FOXP2: variants seen among roughly 807,000 people sequenced by gnomAD.
The protein encoded by FOXP2 is forkhead box protein P2.
FOXP2 carries 12 observed loss-of-function variants against 115.8 expected under a neutral mutation model. The observed-to-expected ratio is 0.10, with a 90% CI of 0.07 to 0.17. The LOEUF is 0.17. Ranked by LOEUF, FOXP2 falls within the 10% of genes least tolerant of loss-of-function variation. The pLI is 1.00. For missense variants in FOXP2, 629 were observed against 843.5 expected, an observed-to-expected ratio of 0.75 and a Z score of 3.15; for synonymous variants, 328 against 297.7, an observed-to-expected ratio of 1.10 and a Z score of -1.05.
intron 1 of FOXP2, among the ~76,000 whole-genome samples, chr7:114,242,720 C>A (rs1463479366): frequency 6.6e-6 from 1 of 152,120 alleles, no homozygotes; most frequent in Non-Finnish European, 1.5e-5. Context: ...AAAAGATATT[C>A]AGAGAGAAAC....
intron 3 of FOXP2, among the ~76,000 whole-genome samples, chr7:114,541,626 G>A (rs765337609): frequency 1.1e-4 from 16 of 151,948 alleles, no homozygotes; most frequent in Middle Eastern, 3.4e-3. Flanking sequence ...TAACATGGAT[G>A]ATAAATAGAA....
chr7:114,502,152 G>A (rs1797589972), intron 2 of FOXP2, among the ~76,000 whole-genome samples: 1 of 152,026 alleles, frequency 6.6e-6, no homozygotes, highest in African/African-American at 2.4e-5. Context: ...ACCTCTGCAT[G>A]TAAATATTGT....
chr7:114,425,962 T>C (rs2129204801), intron 1 of FOXP2, among the ~76,000 whole-genome samples: 1 of 151,824 alleles, frequency 6.6e-6, no homozygotes, highest in South Asian at 2.1e-4. Flanking sequence ...AGAAACCCAT[T>C]ATACTATTTA....
At chr7:114,171,450 G>A (rs900447358) in intron 1 of FOXP2, among the ~76,000 whole-genome samples, 8 of 152,152 alleles carry the variant, frequency 5.3e-5, no homozygotes, top group Non-Finnish European at 1.0e-4. Context: ...TCATGTGCCT[G>A]TAGTCCCAGC....
chr7:114,305,646 A>G (rs889614242), intron 2 of FOXP2, among the ~76,000 whole-genome samples: 2 of 152,182 alleles, frequency 1.3e-5, no homozygotes, highest in African/African-American at 4.8e-5. Flanking sequence ...GAAGTTTAGA[A>G]CTGGAAGAGG....
rs113091801 is a variant in FOXP2 at position 114,324,518 on chromosome 7, G to GT, written c.-11+36416dup. Among the ~76,000 whole-genome samples, 227 of 151,798 alleles carry GT rather than the reference G, an allele frequency of 1.5e-3. 2 individuals are homozygous for GT. The highest frequency in any genetic ancestry group is 5.1e-3 in the African/African-American group (212 of 41,484). ...TAGATTATTGCTTGCTGATATTGAG[G>GT]TTTTTTTCTCTTTAACCTCAGATAC... is the stretch of plus-strand genomic sequence containing the variant. On this transcript the variant is annotated intron_variant, in intron 2 of 17. Coordinates refer to the FOXP2 transcript ENST00000634411.
chr7:114,166,507 A>G (rs1428562394), intron 1 of FOXP2, among the ~76,000 whole-genome samples: 1 of 152,284 alleles, frequency 6.6e-6, no homozygotes, highest in African/African-American at 2.4e-5. Flanking sequence ...GATCAAGACC[A>G]TCCTGGCTAA....
rs1247982895 is a variant in FOXP2, at chr7:114,586,065, G to C, written c.259-42475G>C. 2.0e-5 allele frequency among the ~76,000 whole-genome samples: 3 copies of C among 151,972 alleles called. No individual in the cohort carries two copies. The East Asian group carries it at 5.8e-4, about 29-fold the overall frequency. ...TGTCTGCACAAACCAATTGTTTTGGGTAAATTCAGTTTAAAAGCAAAATAA... is the reference window on the plus strand; with the variant it reads ...TGTCTGCACAAACCAATTGTTTTGGCTAAATTCAGTTTAAAAGCAAAATAA... On this transcript the variant is annotated intron_variant, in intron 3 of 16. Coordinates refer to ENST00000350908, the MANE Select transcript of FOXP2 (RefSeq NM_014491.4).
chr7:114,281,170 C>G (rs1055173096), intron 1 of FOXP2, among the ~76,000 whole-genome samples: 1 of 122,600 alleles, frequency 8.2e-6, no homozygotes, highest in African/African-American at 3.1e-5. Flanking sequence ...GGCGTAATTT[C>G]GGCTCACTGC....
In FOXP2 at chr7:114,088,442, A is replaced by G. The variant is rs927738121; in HGVS notation, c.-247+604A>G. Among the ~76,000 whole-genome samples, 3 of 152,230 alleles carry G rather than the reference A, an allele frequency of 2.0e-5. No individual in the cohort carries two copies. In the East Asian group the frequency reaches 5.8e-4, roughly 29 times the overall value. ...AAGTAGTAGCAGGTAAGCCCAAGGG[A>G]GAAAGTGACGCCCTGTTGTCAAGCA... On this transcript the variant is annotated intron_variant, in intron 1 of 19. Transcript: ENST00000635638.
intron 1 of FOXP2, among the ~76,000 whole-genome samples, chr7:114,175,537 G>A (rs1793265926): frequency 6.6e-6 from 1 of 152,076 alleles, no homozygotes; most frequent in Non-Finnish European, 1.5e-5. Flanking sequence ...AATGTTTAGT[G>A]ATTTTATTAT....
intron 3 of FOXP2, among the ~76,000 whole-genome samples, chr7:114,545,742 A>G (rs935820872): frequency 4.6e-5 from 7 of 152,116 alleles, no homozygotes; most frequent in Non-Finnish European, 7.4e-5. Flanking sequence ...TCATGTCTCC[A>G]TGCAGCTGGC....
At chr7:114,549,195 ATCAT>A (rs1800081902) in intron 3 of FOXP2, among the ~76,000 whole-genome samples, 1 of 152,160 alleles carries the variant, frequency 6.6e-6, no homozygotes, top group Non-Finnish European at 1.5e-5. Context: ...TGCCCCAGTG[ATCAT>A]TCATTTTGTT....
chr7:114,351,667 A>C (rs538444643), intron 2 of FOXP2, among the ~76,000 whole-genome samples: 1 of 152,236 alleles, frequency 6.6e-6, no homozygotes, highest in East Asian at 1.9e-4. Flanking sequence ...ATTAAAACAG[A>C]AATTATATTC....
chr7:114,339,004 T>C (rs1022085364), intron 2 of FOXP2, among the ~76,000 whole-genome samples: 1 of 151,088 alleles, frequency 6.6e-6, no homozygotes, highest in East Asian at 1.9e-4. Flanking sequence ...ATATTTCTTG[T>C]CCCATATTCC....
intron 1 of FOXP2, among the ~76,000 whole-genome samples, chr7:114,131,334 G>C (rs1223657946): frequency 6.6e-6 from 1 of 152,018 alleles, no homozygotes; most frequent in Non-Finnish European, 1.5e-5. Flanking sequence ...AGTAAAATTG[G>C]GGGGACCTTG....
intron 10 of FOXP2, 61 bp from the exon 11 acceptor site, chr7:114,658,005 C>CT (rs1287313578): frequency 8.2e-6 from 13 of 1,590,482 alleles, no homozygotes; most frequent in African/African-American, 1.3e-5. Context: ...TTTGTCAAAC[C>CT]TTTTTAAGTC....
At chr7:114,470,333 C>G (rs1287742564) in intron 2 of FOXP2, among the ~76,000 whole-genome samples, 3 of 152,086 alleles carry the variant, frequency 2.0e-5, no homozygotes, top group Non-Finnish European at 4.4e-5. Flanking sequence ...CATGCTAGTT[C>G]CTATCTATCT....
chr7:114,655,024 A>C (rs1239445282), intron 10 of FOXP2, among the ~76,000 whole-genome samples: 1 of 152,158 alleles, frequency 6.6e-6, no homozygotes, highest in Non-Finnish European at 1.5e-5. Flanking sequence ...ATTTAAAGGT[A>C]GAGTACTGTA....
Sources: allele counts gnomAD v4.1 joint callset (sites outside exome capture counted in the v4.1 genomes callset), GRCh38; gene constraint gnomAD v4.1.1; transcripts MANE v1.5; gene names NCBI Gene and HGNC (gene_info 2026-07-23, HGNC 2026-07-21).